DHX35: variants seen among roughly 807,000 people sequenced by gnomAD.
DHX35 encodes the protein DEAH-box helicase 35, also known as probable ATP-dependent RNA helicase DHX35.
Under a neutral mutation model 99.6 loss-of-function variants are expected in DHX35, and 84 were observed. The observed-to-expected ratio is 0.84, with a 90% CI of 0.71 to 1.01. DHX35 has a LOEUF of 1.01. Among genes scored for constraint, DHX35 ranks in the 50% least tolerant of loss-of-function variants. DHX35 has a pLI of 0.00. For synonymous variants in DHX35, 331 were observed against 316.2 expected, an observed-to-expected ratio of 1.05 and a Z score of -0.50; for missense variants, 852 against 888.5, an observed-to-expected ratio of 0.96 and a Z score of 0.52.
At chr20:38,967,985 C>G (rs556857512) in intron 1 of DHX35, among the ~76,000 whole-genome samples, 110 of 152,226 alleles carry the variant, frequency 7.2e-4, no homozygotes, top group South Asian at 1.7e-3. Context: ...CTTACGTTGT[C>G]TTTATTTCTC....
intron 14 of DHX35, among the ~76,000 whole-genome samples, chr20:39,016,029 A>G (rs2086780439): frequency 6.6e-6 from 1 of 152,202 alleles, no homozygotes. Context: ...AGAATGCCAG[A>G]GGCTGGGTAA....
chr20:39,023,751 A>C lies in DHX35; in HGVS notation c.1655A>C (p.Tyr552Ser). 6.2e-7 allele frequency: 1 copy of C among 1,613,974 alleles called. No individual in the cohort carries two copies. Among genetic ancestry groups the C allele is most frequent in the East Asian group, 2.2e-5 (1 of 44,882 alleles). ...EGDHLTMLNI[Y>S]EAFIKHNKDS... Reference sequence around the variant, plus strand: ...GACCACCTCACTATGCTCAATATATATGAAGCATTTATCAAAGTAAGCACA... The same window carrying C: ...GACCACCTCACTATGCTCAATATATCTGAAGCATTTATCAAAGTAAGCACA... Residue 552 changes from tyrosine to serine, a missense_variant, in exon 17 of 22, where the codon TAT becomes TCT. Transcript: ENST00000252011.
chr20:39,009,755 T>C (rs570123404), intron 12 of DHX35, among the ~76,000 whole-genome samples: 16 of 152,198 alleles, frequency 1.1e-4, no homozygotes, highest in Non-Finnish European at 2.2e-4. Flanking sequence ...TGGTAGGGCA[T>C]GTAAACATTC....
intron 1 of DHX35, among the ~76,000 whole-genome samples, chr20:38,965,960 T>C (rs1192884530): frequency 9.2e-5 from 14 of 152,252 alleles, no homozygotes; most frequent in Non-Finnish European, 5.9e-5. Context: ...CAGTAAGATA[T>C]AGCACACATA....
At chr20:39,027,253 AC>A (rs1568759829) in intron 18 of DHX35, among the ~76,000 whole-genome samples, 1 of 152,260 alleles carries the variant, frequency 6.6e-6, no homozygotes, top group East Asian at 1.9e-4. Context: ...TAGGAAAAAT[AC>A]AGAAAATCAT....
At chr20:39,025,171 A>G (rs1343920183) in intron 17 of DHX35, 59 bp from the exon 18 acceptor site, 4 of 1,542,718 alleles carry the variant, frequency 2.6e-6, no homozygotes, top group Non-Finnish European at 1.8e-6. Context: ...TCTTTACAAC[A>G]TAGCCTTAGT....
chr20:39,007,587 C>T (rs2086639576), intron 12 of DHX35, among the ~76,000 whole-genome samples: 1 of 152,136 alleles, frequency 6.6e-6, no homozygotes, highest in Non-Finnish European at 1.5e-5. Flanking sequence ...TACTTCACAA[C>T]CAGGGTGTTG....
intron 10 of DHX35, 53 bp from the exon 11 acceptor site, chr20:39,003,696 A>C: frequency 6.4e-7 from 1 of 1,565,442 alleles, no homozygotes; most frequent in Non-Finnish European, 8.7e-7. Flanking sequence ...ATGATAAAAT[A>C]GCATGCTTTA....
intron 9 of DHX35, among the ~76,000 whole-genome samples, chr20:39,002,292 CA>C (rs1226657844): frequency 6.6e-6 from 1 of 151,986 alleles, no homozygotes; most frequent in Non-Finnish European, 1.5e-5. Flanking sequence ...AGTCACTGGA[CA>C]AAAAAAGACC....
intron 20 of DHX35, among the ~76,000 whole-genome samples, chr20:39,032,927 TGTG>T (rs2087081082): frequency 6.6e-6 from 1 of 152,280 alleles, no homozygotes; most frequent in Non-Finnish European, 1.5e-5. Context: ...ACCACACTAA[TGTG>T]GTCAGGATAC....
intron 10 of DHX35, 136 bp from the exon 11 acceptor site, chr20:39,003,613 A>G (rs1327836530): frequency 2.0e-6 from 2 of 979,802 alleles, no homozygotes; most frequent in East Asian, 4.9e-5. Context: ...CCCAGAGTGG[A>G]ACATGACGGC....
chr20:39,024,146 T>C (rs1239203060), intron 17 of DHX35, among the ~76,000 whole-genome samples: 2 of 152,262 alleles, frequency 1.3e-5, no homozygotes, highest in Non-Finnish European at 2.9e-5. Context: ...CTTGTAGTCC[T>C]GGGTTGAATC....
intron 11 of DHX35, among the ~76,000 whole-genome samples, chr20:39,005,412 T>A (rs571122497): frequency 1.3e-5 from 2 of 152,368 alleles, no homozygotes; most frequent in East Asian, 3.9e-4. Context: ...TCTATAGGGT[T>A]GGCTGCTGCT....
chr20:39,024,172 GCT>G (rs2086915611), intron 17 of DHX35, among the ~76,000 whole-genome samples: 1 of 152,226 alleles, frequency 6.6e-6, no homozygotes, highest in Non-Finnish European at 1.5e-5. Context: ...AGCTGTCCCA[GCT>G]GCCATGAGAA....
chr20:39,002,134 G>T (rs2086531122), intron 9 of DHX35, among the ~76,000 whole-genome samples: 1 of 152,218 alleles, frequency 6.6e-6, no homozygotes, highest in Non-Finnish European at 1.5e-5. Flanking sequence ...CAGAACTGGG[G>T]TTTACAAGGC....
intron 4 of DHX35, among the ~76,000 whole-genome samples, chr20:38,984,892 C>G (rs926978066): frequency 1.3e-5 from 2 of 148,854 alleles, no homozygotes; most frequent in African/African-American, 5.0e-5. Flanking sequence ...TTTTATCATT[C>G]AGCTTTTTTT....
chr20:38,977,740 C>A (rs538707185), intron 3 of DHX35: 17 of 420,714 alleles, frequency 4.0e-5, no homozygotes, highest in Admixed American at 1.1e-4. Context: ...TTAGTGTTTT[C>A]TACAGAACTT....
Position 39,015,064 on chromosome 20 carries a change from C to G in DHX35, c.1402+130C>G, listed in dbSNP as rs1319938752. 4.0e-6 allele frequency: 4 copies of G among 1,006,596 alleles called. No homozygotes were observed. The East Asian group carries it at 9.7e-5, about 24-fold the overall frequency. 62.4% of individuals were successfully genotyped at this position (1,006,596 alleles called of 1,614,324 possible). On this transcript the variant is annotated intron_variant, in intron 14 of 21. Transcript: ENST00000252011. Reference sequence around the variant, plus strand: ...TGGTTCTCCCCATATATATAATCCCCCTAATGATACTTTATTGAAATAGGA... The same window carrying G: ...TGGTTCTCCCCATATATATAATCCCGCTAATGATACTTTATTGAAATAGGA...
chr20:39,004,542 G>T (rs538676318), intron 11 of DHX35, among the ~76,000 whole-genome samples: 3 of 152,302 alleles, frequency 2.0e-5, no homozygotes, highest in African/African-American at 7.2e-5. Context: ...AGAAAAATTG[G>T]TACACATGGT....
Sources: allele counts gnomAD v4.1 joint callset (sites outside exome capture counted in the v4.1 genomes callset), GRCh38; gene constraint gnomAD v4.1.1; transcripts MANE v1.5; gene names NCBI Gene and HGNC (gene_info 2026-07-23, HGNC 2026-07-21).